Variants in TNNI3K observed in about 807,000 individuals in gnomAD.
TNNI3K encodes the protein TNNI3 interacting kinase.
A neutral mutation model predicts 114.5 loss-of-function variants in TNNI3K; 140 were observed. That is an observed-to-expected ratio of 1.22 (90% CI 1.07 to 1.41). The LOEUF is 1.41. Ranked by LOEUF, TNNI3K falls within the 40% of genes most tolerant of loss-of-function variation. The pLI, the probability that TNNI3K is intolerant of heterozygous loss-of-function variation, is 0.00. For missense variants in TNNI3K, 1,125 were observed against 1,007.6 expected, an observed-to-expected ratio of 1.12 and a Z score of -1.58; for synonymous variants, 347 against 347.5, an observed-to-expected ratio of 1.00 and a Z score of 0.02.
At chr1:74,446,618 G>A (rs1436127485) in intron 20 of TNNI3K, among the ~76,000 whole-genome samples, 4 of 150,484 alleles carry the variant, frequency 2.7e-5, no homozygotes, top group Non-Finnish European at 5.9e-5. Flanking sequence ...CCTTGCCCAT[G>A]CCTATGTCCT....
At position 74,315,658 on chromosome 1, in the gene TNNI3K, A is replaced by G. The variant is rs952513186; in HGVS notation, c.445-15792A>G. Among the ~76,000 whole-genome samples, 6 of 152,056 alleles carry G rather than the reference A, an allele frequency of 3.9e-5. No homozygotes were observed. In the East Asian group the frequency reaches 5.8e-4, roughly 15 times the overall value. ...CAGCTATGATTATAAATAAACTTCT[A>G]TTATCAAGTCTTATTTCCCAAAAGA... On this transcript the variant is annotated intron_variant, in intron 5 of 24. Coordinates refer to ENST00000326637, the MANE Select transcript of TNNI3K (RefSeq NM_015978.3).
At chr1:74,458,395 T>C (rs1346912306) in intron 20 of TNNI3K, among the ~76,000 whole-genome samples, 1 of 152,192 alleles carries the variant, frequency 6.6e-6, no homozygotes, top group African/African-American at 2.4e-5. Context: ...GACTGAAAAT[T>C]AGACCTCCAG....
chr1:74,457,821 G>T (rs917865967), intron 20 of TNNI3K, among the ~76,000 whole-genome samples: 1 of 152,114 alleles, frequency 6.6e-6, no homozygotes, highest in East Asian at 1.9e-4. Flanking sequence ...ATGGAGAGCT[G>T]CACAGTCATT....
chr1:74,491,422 G>T (rs1669069800), intron 22 of TNNI3K, among the ~76,000 whole-genome samples: 1 of 152,130 alleles, frequency 6.6e-6, no homozygotes, highest in South Asian at 2.1e-4. Context: ...GTTTCACCAT[G>T]TTGACCAGAT....
At chr1:74,402,273 T>C (rs1029133674) in intron 17 of TNNI3K, among the ~76,000 whole-genome samples, 2 of 152,160 alleles carry the variant, frequency 1.3e-5, no homozygotes, top group Admixed American at 1.3e-4. Flanking sequence ...CCTGCTTTCA[T>C]GGTGATTATA....
intron 17 of TNNI3K, among the ~76,000 whole-genome samples, chr1:74,405,950 A>G (rs1161964919): frequency 6.6e-6 from 1 of 152,224 alleles, no homozygotes; most frequent in African/African-American, 2.4e-5. Flanking sequence ...AAATAACCAC[A>G]AATTTAGTGC....
At chr1:74,447,966 T>C (rs1189754745) in intron 20 of TNNI3K, among the ~76,000 whole-genome samples, 8 of 15,596 alleles carry the variant, frequency 5.1e-4, no homozygotes, top group African/African-American at 2.3e-3. Context: ...TGTAGGGACA[T>C]GGATGAAATT....
intron 23 of TNNI3K, among the ~76,000 whole-genome samples, chr1:74,497,873 C>T (rs1200649314): frequency 6.6e-6 from 1 of 152,090 alleles, no homozygotes; most frequent in East Asian, 1.9e-4. Context: ...GTCCGAAATC[C>T]TCAGTGATAC....
intron 17 of TNNI3K, among the ~76,000 whole-genome samples, chr1:74,379,218 G>A (rs1663074245): frequency 6.6e-6 from 1 of 151,874 alleles, no homozygotes; most frequent in African/African-American, 2.4e-5. Context: ...TTGAAATATG[G>A]CTCAAGAGGA....
At chr1:74,398,975 T>G (rs1185265144) in intron 17 of TNNI3K, among the ~76,000 whole-genome samples, 1 of 151,210 alleles carries the variant, frequency 6.6e-6, no homozygotes, top group East Asian at 2.0e-4. Context: ...GCCAACATGG[T>G]TGAAACCCCA....
At chr1:74,429,707 T>C (rs1570609430) in intron 17 of TNNI3K, among the ~76,000 whole-genome samples, 1 of 152,102 alleles carries the variant, frequency 6.6e-6, no homozygotes, top group Non-Finnish European at 1.5e-5. Flanking sequence ...GTTTGAATGA[T>C]TGCCTGTCAG....
At chr1:74,458,010 T>A (rs1667298183) in intron 20 of TNNI3K, among the ~76,000 whole-genome samples, 1 of 152,154 alleles carries the variant, frequency 6.6e-6, no homozygotes. Flanking sequence ...TACAATTATG[T>A]TTTTTATATC....
intron 5 of TNNI3K, among the ~76,000 whole-genome samples, chr1:74,305,550 C>T (rs1007494812): frequency 6.6e-6 from 1 of 152,144 alleles, no homozygotes; most frequent in Non-Finnish European, 1.5e-5. Flanking sequence ...TCTCTTTCTG[C>T]CAAGTGGAAG....
At position 74,378,261 on chromosome 1, in the gene TNNI3K, G is replaced by A. The variant is rs187672377; in HGVS notation, c.1772+7869G>A. On this transcript the variant is annotated intron_variant, in intron 17 of 24. Transcript: ENST00000326637. ...AGATTCAATTTTATTACTGCTTTGA[G>A]TAATGAAAAAACTAAGCTATATAAT... 9.2e-5 allele frequency among the ~76,000 whole-genome samples: 14 copies of A among 151,938 alleles called. 1 individual carries two copies. The highest frequency in any genetic ancestry group is 7.9e-4 in the Admixed American group (12 of 15,228).
intron 17 of TNNI3K, chr1:74,378,910 T>C (rs568447335): frequency 6.6e-6 from 1 of 151,812 alleles, no homozygotes; most frequent in Non-Finnish European, 1.5e-5. Flanking sequence ...TGGTTATAAT[T>C]AAGAAGGCTG....
intron 5 of TNNI3K, among the ~76,000 whole-genome samples, chr1:74,300,336 A>C (rs978463780): frequency 6.6e-6 from 1 of 152,228 alleles, no homozygotes; most frequent in African/African-American, 2.4e-5. Context: ...AGTCTATTTA[A>C]GTCATTGTAT....
intron 17 of TNNI3K, among the ~76,000 whole-genome samples, chr1:74,434,836 A>G (rs1025165157): frequency 2.0e-5 from 3 of 152,094 alleles, no homozygotes; most frequent in Non-Finnish European, 4.4e-5. Context: ...CAAAGATAAA[A>G]TCAGTAGCAA....
At chr1:74,489,459 C>T (rs1295441630) in intron 22 of TNNI3K, among the ~76,000 whole-genome samples, 1 of 152,084 alleles carries the variant, frequency 6.6e-6, no homozygotes, top group Non-Finnish European at 1.5e-5. Flanking sequence ...TCGAGACCTT[C>T]CAACAAATAA....
chr1:74,543,855 G>C, intron 24 of TNNI3K, 51 bp from the exon 25 acceptor site: 5 of 1,607,666 alleles, frequency 3.1e-6, no homozygotes, highest in Non-Finnish European at 3.4e-6. Context: ...AAAAATTGGG[G>C]GATGTACTGA....
Sources: allele counts gnomAD v4.1 joint callset (sites outside exome capture counted in the v4.1 genomes callset), GRCh38; gene constraint gnomAD v4.1.1; transcripts MANE v1.5; gene names NCBI Gene and HGNC (gene_info 2026-07-23, HGNC 2026-07-21).